The following RP1 variants were observed in gnomAD, a reference collection of about 807,000 sequenced individuals.
RP1 encodes RP1 axonemal microtubule associated.
Under a neutral mutation model 14.8 loss-of-function variants are expected in RP1, and 16 were observed. The ratio of observed to expected loss-of-function variants is 1.08; its 90% CI spans 0.73 to 1.65. The LOEUF is 1.65. Among genes scored for constraint, RP1 ranks in the 40% most tolerant of loss-of-function variants. RP1 has a pLI of 0.00. For synonymous variants in RP1, 876 were observed against 883.6 expected, an observed-to-expected ratio of 0.99 and a Z score of 0.15; for missense variants, 2,631 against 2,535.0, an observed-to-expected ratio of 1.04 and a Z score of -0.81.
intron 27 of RP1, among the ~76,000 whole-genome samples, chr8:54,861,230 G>C (rs1296589680): frequency 1.3e-5 from 2 of 152,146 alleles, no homozygotes; most frequent in Non-Finnish European, 2.9e-5. Context: ...AGTACTGGTG[G>C]TTCTACCTGT....
At chr8:54,587,636 A>G (rs1395444867) in intron 1 of RP1, among the ~76,000 whole-genome samples, 1 of 152,202 alleles carries the variant, frequency 6.6e-6, no homozygotes, top group Non-Finnish European at 1.5e-5. Flanking sequence ...AGGGGTGACC[A>G]TTTCTGAAGG....
intron 12 of RP1, among the ~76,000 whole-genome samples, chr8:54,691,960 TC>T (rs1250007265): frequency 2.0e-5 from 3 of 151,892 alleles, no homozygotes; most frequent in Non-Finnish European, 4.4e-5. Flanking sequence ...ATGCTGTCGC[TC>T]CCCCCTCCCC....
At chr8:54,575,514 C>T (rs1003385219) in intron 1 of RP1, among the ~76,000 whole-genome samples, 6 of 152,110 alleles carry the variant, frequency 3.9e-5, no homozygotes, top group African/African-American at 7.2e-5. Flanking sequence ...CATCCCCTCA[C>T]ATTTATATTT....
intron 1 of RP1, among the ~76,000 whole-genome samples, chr8:54,560,122 C>A (rs147952495): frequency 5.8e-4 from 88 of 152,206 alleles, no homozygotes; most frequent in Middle Eastern, 3.4e-3. Context: ...TGGGGTGGGT[C>A]TGCGTTTGAA....
chr8:54,755,173 G>A (rs1321307170), intron 20 of RP1, among the ~76,000 whole-genome samples: 2 of 152,174 alleles, frequency 1.3e-5, no homozygotes, highest in African/African-American at 2.4e-5. Flanking sequence ...GAGGCTGTGA[G>A]AGACAAGAAA....
intron 27 of RP1, among the ~76,000 whole-genome samples, chr8:54,859,294 GTGTTGTCACTTTGGATCAGTGTCACTATA>G (rs1450202689): frequency 1.3e-5 from 2 of 151,446 alleles, no homozygotes; most frequent in Non-Finnish European, 2.9e-5. Context: ...CCACTGTGGA[GTGTTGTCACTTTGGATCAGTGTCACTATA>G]GGTGGTGTCA....
chr8:54,699,598 A>C (rs1413950007), intron 13 of RP1: 5 of 1,068,080 alleles, frequency 4.7e-6, no homozygotes, highest in Non-Finnish European at 6.4e-6. Context: ...TTTTTGCCAT[A>C]TATCAATAGT....
chr8:54,615,222 C>T (rs1176420675), upstream of RP1, among the ~76,000 whole-genome samples: 3 of 152,114 alleles, frequency 2.0e-5, no homozygotes, highest in Non-Finnish European at 4.4e-5. Flanking sequence ...TCATAGGTGG[C>T]CTGCAACAAA....
intron 1 of RP1, among the ~76,000 whole-genome samples, chr8:54,592,386 G>T (rs570595546): frequency 2.6e-5 from 4 of 152,186 alleles, no homozygotes; most frequent in African/African-American, 9.7e-5. Context: ...GTACAATTAT[G>T]TTCCTGGTGG....
chr8:54,776,320 G>T (rs1386131358), intron 23 of RP1, among the ~76,000 whole-genome samples: 1 of 152,136 alleles, frequency 6.6e-6, no homozygotes, highest in African/African-American at 2.4e-5. Context: ...TCCTACCTCG[G>T]CTTCCTGAGC....
intron 1 of RP1, among the ~76,000 whole-genome samples, chr8:54,585,232 A>G (rs1804893059): frequency 6.6e-6 from 1 of 152,160 alleles, no homozygotes. Flanking sequence ...TCTGTAAAGT[A>G]TTCTATTTCT....
Position 54,739,490 on chromosome 8 carries a change from G to A in RP1, c.2808+461G>A, listed in dbSNP as rs550889116. Among the ~76,000 whole-genome samples the A allele has an allele frequency of 5.9e-5, 9 of 151,686 alleles. No homozygotes were observed. The East Asian group carries it at 9.7e-4, about 16-fold the overall frequency. On this transcript the variant is annotated intron_variant, in intron 19 of 22. Transcript: ENST00000636932. ...CTAAACAAATATGGTTCATTCTTGCGAAAGGTTTTTTTTAATAGCATATTT... is the reference window on the plus strand; with the variant it reads ...CTAAACAAATATGGTTCATTCTTGCAAAAGGTTTTTTTTAATAGCATATTT...
chr8:54,850,582 C>T (rs974665533), intron 25 of RP1, among the ~76,000 whole-genome samples: 1 of 152,164 alleles, frequency 6.6e-6, no homozygotes. Context: ...GGAGCTGATG[C>T]AATCTTTGCT....
At chr8:54,757,260 C>A (rs780662278) in intron 21 of RP1, among the ~76,000 whole-genome samples, 20 of 152,128 alleles carry the variant, frequency 1.3e-4, no homozygotes, top group Non-Finnish European at 2.6e-4. Flanking sequence ...TACAAGGTGT[C>A]CTGGCACGAT....
chr8:54,680,547 C>T (rs1181444042), intron 12 of RP1, among the ~76,000 whole-genome samples: 1 of 152,150 alleles, frequency 6.6e-6, no homozygotes, highest in East Asian at 1.9e-4. Context: ...TGCTGGAAAC[C>T]GTGCTGTTCA....
At chr8:54,717,121 G>A (rs1808422854) in intron 15 of RP1, among the ~76,000 whole-genome samples, 1 of 152,068 alleles carries the variant, frequency 6.6e-6, no homozygotes, top group Non-Finnish European at 1.5e-5. Context: ...ACTCTCAGGT[G>A]TCCCGTCCTC....
At chr8:54,606,420 T>C (rs9694449) in intron 1 of RP1, among the ~76,000 whole-genome samples, 50,367 of 149,208 alleles carry the variant, frequency 0.34, 9,150 homozygotes, top group Middle Eastern at 0.48. Context: ...CTGCTGTTAC[T>C]CTGATGGGCT....
At chr8:54,851,701 T>C (rs1812064547) in intron 25 of RP1, among the ~76,000 whole-genome samples, 1 of 152,238 alleles carries the variant, frequency 6.6e-6, no homozygotes, top group Non-Finnish European at 1.5e-5. Context: ...AACTGATGTA[T>C]CTTCTCTGCT....
intron 18 of RP1, among the ~76,000 whole-genome samples, chr8:54,737,997 T>A (rs573658950): frequency 6.6e-6 from 1 of 152,278 alleles, no homozygotes; most frequent in East Asian, 1.9e-4. Flanking sequence ...TTAAAAAAAA[T>A]CCTCACAGTT....
Sources: allele counts gnomAD v4.1 joint callset (sites outside exome capture counted in the v4.1 genomes callset), GRCh38; gene constraint gnomAD v4.1.1; transcripts MANE v1.5; gene names NCBI Gene and HGNC (gene_info 2026-07-23, HGNC 2026-07-21).